The following THRB variants were observed in gnomAD, a reference collection of about 807,000 sequenced individuals.
THRB encodes nuclear receptor subfamily 1 group A member 2.
A neutral mutation model predicts 47.8 loss-of-function variants in THRB; 12 were observed. The ratio of observed to expected loss-of-function variants is 0.25; its 90% CI spans 0.16 to 0.41. The LOEUF is 0.41. Ranked by LOEUF, THRB falls within the 10% of genes least tolerant of loss-of-function variation. The pLI, the probability that THRB is intolerant of heterozygous loss-of-function variation, is 1.00. For missense variants in THRB, 348 were observed against 589.2 expected (o/e 0.59, Z 4.24); for synonymous variants, 218 against 212.2 (o/e 1.03, Z -0.24).
intron 1 of THRB, among the ~76,000 whole-genome samples, chr3:24,368,624 T>C (rs546764469): frequency 6.6e-6 from 1 of 152,340 alleles, no homozygotes; most frequent in East Asian, 1.9e-4. Context: ...TGCCTAGTTA[T>C]GTTGCATTTC....
At chr3:24,299,645 C>CTT (rs72274327) in intron 2 of THRB, among the ~76,000 whole-genome samples, 5 of 150,390 alleles carry the variant, frequency 3.3e-5, no homozygotes, top group Non-Finnish European at 7.4e-5. Flanking sequence ...TAAAAACTTT[C>CTT]TTTTTTTTTC....
chr3:24,210,406 G>GTTT (rs754811936), intron 4 of THRB, among the ~76,000 whole-genome samples: 2 of 150,328 alleles, frequency 1.3e-5, no homozygotes, highest in South Asian at 4.2e-4. Context: ...TGGTTTATTT[G>GTTT]TTTGTTTTTT....
intron 1 of THRB, among the ~76,000 whole-genome samples, chr3:24,437,612 G>A (rs998109657): frequency 3.3e-5 from 5 of 152,080 alleles, no homozygotes; most frequent in East Asian, 1.9e-4. Context: ...CTGTACACAC[G>A]TATCAAAAGA....
intron 1 of THRB, among the ~76,000 whole-genome samples, chr3:24,343,708 A>G (rs997458383): frequency 2.0e-5 from 3 of 151,964 alleles, no homozygotes; most frequent in Admixed American, 1.3e-4. Flanking sequence ...CAATCTCCAA[A>G]TCCTTCTCAA....
intron 10 of THRB, among the ~76,000 whole-genome samples, chr3:24,125,109 T>C (rs1221483766): frequency 6.6e-6 from 1 of 152,070 alleles, no homozygotes; most frequent in Non-Finnish European, 1.5e-5. Context: ...ATTTGCTTAA[T>C]AATCTGTTAA....
intron 1 of THRB, among the ~76,000 whole-genome samples, chr3:24,479,649 G>A (rs1027323105): frequency 1.3e-5 from 2 of 152,186 alleles, no homozygotes; most frequent in Non-Finnish European, 2.9e-5. Context: ...TCAAATGCTG[G>A]TGTGGTCAGC....
At chr3:24,335,892 A>C (rs769571602) in intron 2 of THRB, among the ~76,000 whole-genome samples, 1 of 152,018 alleles carries the variant, frequency 6.6e-6, no homozygotes, top group Non-Finnish European at 1.5e-5. Context: ...TCCTGGTGGG[A>C]ATGGAAGACC....
At chr3:24,434,851 T>C (rs1039888140) in intron 1 of THRB, among the ~76,000 whole-genome samples, 7 of 152,198 alleles carry the variant, frequency 4.6e-5, no homozygotes, top group African/African-American at 9.6e-5. Flanking sequence ...TAGACACTAA[T>C]TGAAGATGAT....
chr3:24,358,017 T>C (rs1656773534), intron 1 of THRB, among the ~76,000 whole-genome samples: 1 of 152,194 alleles, frequency 6.6e-6, no homozygotes, highest in African/African-American at 2.4e-5. Context: ...GGAAGCTCCA[T>C]GGAATTAGGA....
rs574698797 is a variant in THRB at position 24,381,831 on chromosome 3, C to T, written c.-260-44460G>A. On this transcript the variant is annotated intron_variant, in intron 1 of 10. Transcript: ENST00000646209. ...GTTCTCAGAGAAAACAAAAAGGTCT[C>T]GGGGAAGAAGCTATAAAAGTCAAGT... Among the ~76,000 whole-genome samples the T allele has an allele frequency of 4.0e-5, 6 of 151,698 alleles. No individual in the cohort carries two copies. In the South Asian group the frequency reaches 6.3e-4, roughly 16 times the overall value.
At chr3:24,318,936 A>T (rs2149273080) in intron 2 of THRB, among the ~76,000 whole-genome samples, 1 of 152,340 alleles carries the variant, frequency 6.6e-6, no homozygotes, top group Middle Eastern at 3.4e-3. Context: ...CTCAAAAACC[A>T]TTGCACATGC....
chr3:24,341,582 A>G (rs1391035614), intron 1 of THRB, among the ~76,000 whole-genome samples: 1 of 152,110 alleles, frequency 6.6e-6, no homozygotes, highest in African/African-American at 2.4e-5. Context: ...CAATAGGCAC[A>G]ATACTTTACC....
At chr3:24,366,943 C>T (rs1326226800) in intron 1 of THRB, among the ~76,000 whole-genome samples, 3 of 151,966 alleles carry the variant, frequency 2.0e-5, no homozygotes, top group African/African-American at 7.3e-5. Flanking sequence ...GTTATTTGTA[C>T]TGCTGTTCAT....
At chr3:24,365,815 T>C (rs1210821782) in intron 1 of THRB, among the ~76,000 whole-genome samples, 1 of 152,194 alleles carries the variant, frequency 6.6e-6, no homozygotes, top group African/African-American at 2.4e-5. Context: ...ACTTATTTTA[T>C]AATGGCTTCT....
intron 3 of THRB, among the ~76,000 whole-genome samples, chr3:24,290,416 T>C (rs562184950): frequency 2.0e-5 from 3 of 152,322 alleles, no homozygotes; most frequent in Admixed American, 6.5e-5. Context: ...AGACATCTTA[T>C]AAACAAAATG....
At chr3:24,227,239 C>A (rs562295923) in intron 4 of THRB, among the ~76,000 whole-genome samples, 1 of 152,330 alleles carries the variant, frequency 6.6e-6, no homozygotes, top group East Asian at 1.9e-4. Flanking sequence ...CTCCATTTTG[C>A]AGCGTGGCTA....
At chr3:24,315,976 C>CT (rs551452564) in intron 2 of THRB, among the ~76,000 whole-genome samples, 22 of 151,856 alleles carry the variant, frequency 1.4e-4, no homozygotes, top group East Asian at 1.2e-3. Context: ...TGTTTTTTTT[C>CT]TTTTTTGTTA....
rs879804071 is a variant in THRB at position 24,284,112 on chromosome 3, C to G, written c.-43+13114G>C. Reference sequence around the variant, plus strand: ...GTTCATATGGAACCAAAAAAGAGCCCGCATCGCCAAGTCAATCCTGAGCCA... The same window carrying G: ...GTTCATATGGAACCAAAAAAGAGCCGGCATCGCCAAGTCAATCCTGAGCCA... On this transcript the variant is annotated intron_variant, in intron 3 of 10. Coordinates refer to ENST00000646209, the MANE Select transcript of THRB (RefSeq NM_001354712.2). Among the ~76,000 whole-genome samples, 68 of 145,476 alleles carry G rather than the reference C, an allele frequency of 4.7e-4. 1 individual carries two copies. The highest frequency in any genetic ancestry group is 1.7e-3 in the African/African-American group (66 of 39,076).
At chr3:24,192,417 G>A (rs2043457517) in intron 4 of THRB, among the ~76,000 whole-genome samples, 1 of 152,102 alleles carries the variant, frequency 6.6e-6, no homozygotes, top group Non-Finnish European at 1.5e-5. Flanking sequence ...TAAATCCTCA[G>A]CAAATTGCAT....
Sources: gnomAD v4.1 joint callset for allele counts (sites outside exome capture counted in the v4.1 genomes callset) on GRCh38, gnomAD v4.1.1 for gene constraint, MANE v1.5 for transcripts, NCBI Gene and HGNC (gene_info 2026-07-23, HGNC 2026-07-21) for gene names.